Variants in HEATR4 observed in about 807,000 individuals in gnomAD.
HEATR4 encodes HEAT repeat containing 4, also known as HEAT repeat-containing protein 4.
Under a neutral mutation model 108.8 loss-of-function variants are expected in HEATR4, and 95 were observed. That is an observed-to-expected ratio of 0.87 (90% CI 0.74 to 1.04). The LOEUF (loss-of-function observed/expected upper bound fraction) is 1.04, where lower values mean the gene tolerates loss of function less well. Ranked by LOEUF, HEATR4 falls within the 50% of genes least tolerant of loss-of-function variation. The probability of loss-of-function intolerance (pLI) is 0.00; values close to 1 mark genes in which losing one functional copy is unlikely to be tolerated. For synonymous variants in HEATR4, 443 were observed against 459.4 expected (o/e 0.96, Z 0.46); for missense variants, 1,152 against 1,253.8 (o/e 0.92, Z 1.23).
Position 73,498,294 on chromosome 14 carries a change from A to G in HEATR4, c.2407T>C (p.Trp803Arg). The G allele has an allele frequency of 6.2e-7, 1 of 1,612,800 alleles. No individual in the cohort carries two copies. Among genetic ancestry groups the G allele is most frequent in the Middle Eastern group, 1.7e-4 (1 of 6,058 alleles). Reference protein sequence around the residue: ...VSPELTDLLLWAIHYEESPGV... With the variant: ...VSPELTDLLLRAIHYEESPGV... ...GGTGACTCTTCATAGTGGATAGCCC[A>G]GAGCAGAAGATCCGTCAGCTCGGGA... The change falls in exon 14 of 18, where the codon TGG becomes CGG. Residue 803 changes from tryptophan (W) to arginine (R), a missense_variant. Transcript: ENST00000553558.
the HEATR4 span, among the ~76,000 whole-genome samples, chr14:73,613,244 C>T: frequency 6.6e-6 from 1 of 152,168 alleles, no homozygotes; most frequent in East Asian, 1.9e-4. Context: ...GGCTCAAGTC[C>T]TCTCGCCTCA....
At chr14:73,611,785 C>T in the HEATR4 span, among the ~76,000 whole-genome samples, 1 of 152,158 alleles carries the variant, frequency 6.6e-6, no homozygotes, top group Non-Finnish European at 1.5e-5. Flanking sequence ...GACCAGAACT[C>T]GGCTAGGTCT....
At chr14:73,624,246 C>T in the HEATR4 span, among the ~76,000 whole-genome samples, 2 of 152,074 alleles carry the variant, frequency 1.3e-5, no homozygotes, top group Non-Finnish European at 2.9e-5. Flanking sequence ...CCTCAGCATC[C>T]CGAGTAGCTG....
chr14:73,563,113 G>A (rs191430972), upstream of HEATR4, among the ~76,000 whole-genome samples: 1 of 152,102 alleles, frequency 6.6e-6, no homozygotes, highest in East Asian at 1.9e-4. Flanking sequence ...TGAGACTCAG[G>A]TGGGCATCAC....
At chr14:73,621,400 T>G in the HEATR4 span, among the ~76,000 whole-genome samples, 1 of 152,122 alleles carries the variant, frequency 6.6e-6, no homozygotes, top group Non-Finnish European at 1.5e-5. Flanking sequence ...TGATGTCATG[T>G]TATACCTACC....
the HEATR4 span, among the ~76,000 whole-genome samples, chr14:73,566,191 G>T: frequency 2.0e-5 from 3 of 152,028 alleles, no homozygotes; most frequent in African/African-American, 7.2e-5. Flanking sequence ...ACAGAGTGCC[G>T]ATTGGTGTAT....
chr14:73,581,854 G>A, the HEATR4 span: 1 of 75,400 alleles, frequency 1.3e-5, no homozygotes, highest in Non-Finnish European at 2.5e-5. Flanking sequence ...GAGCATCTGG[G>A]CCACTTGGGG....
the HEATR4 span, among the ~76,000 whole-genome samples, chr14:73,576,816 A>AAAAAAAAAAAAAAAAAAAAAAAAAAG: frequency 1.9e-3 from 108 of 58,148 alleles, 35 homozygotes; most frequent in Non-Finnish European, 3.1e-3. Context: ...AAAAAAAAAA[A>AAAAAAAAAAAAAAAAAAAAAAAAAAG]AAAAGACAAT....
the HEATR4 span, among the ~76,000 whole-genome samples, chr14:73,607,610 G>A: frequency 6.6e-6 from 1 of 151,974 alleles, no homozygotes; most frequent in South Asian, 2.1e-4. Context: ...AGAAAATAGG[G>A]TTTTCTTTTC....
chr14:73,493,176 C>CCGTG (rs1566821790), intron 16 of HEATR4, 52 bp from the exon 17 acceptor site: 1 of 1,481,178 alleles, frequency 6.8e-7, no homozygotes, highest in South Asian at 1.1e-5. Flanking sequence ...AACCCTTGAT[C>CCGTG]CGTGATCATT....
chr14:73,483,047 G>A (rs746450772), intron 17 of HEATR4, among the ~76,000 whole-genome samples: 20 of 152,196 alleles, frequency 1.3e-4, no homozygotes, highest in Non-Finnish European at 2.6e-4. Flanking sequence ...CATGTAGCAA[G>A]AGAACCAAAT....
chr14:73,527,201 C>T (rs1191749692), intron 2 of HEATR4: 1 of 151,940 alleles, frequency 6.6e-6, no homozygotes, highest in African/African-American at 2.4e-5. Context: ...TAAGTCCAGA[C>T]TGTAAAGACT....
chr14:73,593,702 G>A, the HEATR4 span: 4 of 1,607,360 alleles, frequency 2.5e-6, no homozygotes, highest in Non-Finnish European at 3.4e-6. Context: ...TGTTCTCTAG[G>A]ACCTGGACCC....
intron 5 of HEATR4, 137 bp from the exon 6 acceptor site, chr14:73,514,371 T>C (rs1352431510): frequency 2.8e-6 from 2 of 708,312 alleles, no homozygotes; most frequent in African/African-American, 1.8e-5. Context: ...AATTTCCCCA[T>C]GATTATATGG....
chr14:73,493,748 G>T (rs772728636), intron 16 of HEATR4, among the ~76,000 whole-genome samples: 4 of 152,188 alleles, frequency 2.6e-5, no homozygotes, highest in Non-Finnish European at 5.9e-5. Context: ...TGAGGCAGGA[G>T]GATCACTTGA....
upstream of HEATR4, among the ~76,000 whole-genome samples, chr14:73,561,377 A>G (rs372726949): frequency 4.0e-5 from 6 of 151,068 alleles, no homozygotes; most frequent in East Asian, 9.8e-4. Context: ...AAAAAAAAGA[A>G]AGAAAAAAAA....
the HEATR4 span, chr14:73,582,865 G>A: frequency 3.3e-5 from 5 of 152,082 alleles, no homozygotes; most frequent in Non-Finnish European, 7.4e-5. Context: ...AGTCCATTCT[G>A]CATGTAACTT....
At chr14:73,620,322 G>A in the HEATR4 span, among the ~76,000 whole-genome samples, 19 of 152,278 alleles carry the variant, frequency 1.2e-4, no homozygotes, top group Admixed American at 4.6e-4. Context: ...CCTGCCTTCC[G>A]TCACTGCTAG....
At position 73,555,569 on chromosome 14, in the gene HEATR4, G is replaced by T. The variant is rs767051351; in HGVS notation, c.-152+3182C>A. On this transcript the variant is annotated intron_variant, in intron 1 of 17. Coordinates refer to ENST00000553558, the MANE Select transcript of HEATR4 (RefSeq NM_001220484.1). ...ATGAAAAGAACATTAATATTCTCCT[G>T]CCTTGCATATTCTTCTAAAACATTT... Among the ~76,000 whole-genome samples, 4 of 115,074 alleles carry T rather than the reference G, an allele frequency of 3.5e-5. 2 individuals carry two copies. The highest frequency in any genetic ancestry group is 7.6e-5 in the Non-Finnish European group (4 of 52,360). 75.5% of individuals were successfully genotyped at this position (115,074 alleles called of 152,430 possible). A position where few individuals can be genotyped will look rare whatever the true frequency, so the allele number is the denominator to read the frequency against.
Sources: allele counts gnomAD v4.1 joint callset (sites outside exome capture counted in the v4.1 genomes callset), GRCh38; gene constraint gnomAD v4.1.1; transcripts MANE v1.5; gene names NCBI Gene and HGNC (gene_info 2026-07-23, HGNC 2026-07-21).